Variants in MYO1D observed in about 807,000 individuals in gnomAD.
The protein encoded by MYO1D is myosin ID.
In MYO1D, 83 loss-of-function variants were observed where a neutral mutation model predicts 122.0. That is an observed-to-expected ratio of 0.68 (90% confidence interval 0.57 to 0.82). The LOEUF is 0.82. Among genes scored for constraint, MYO1D ranks in the 40% least tolerant of loss-of-function variants. MYO1D has a pLI of 0.00. For missense variants in MYO1D, 1,157 were observed against 1,269.5 expected (o/e 0.91, Z 1.35); for synonymous variants, 464 against 446.9 (o/e 1.04, Z -0.48).
At position 32,738,236 on chromosome 17, in the gene MYO1D, G is replaced by C; in HGVS notation, c.1746+17C>G. On this transcript the variant is annotated intron_variant, in intron 14 of 21. Coordinates refer to ENST00000318217, the MANE Select transcript of MYO1D (RefSeq NM_015194.3). ...ATCTATGAGTTAAAATGGATATTTA[G>C]AAAAGAAAATAATTACCTTTGATGC... 1 of 1,562,954 alleles carries C rather than the reference G, an allele frequency of 6.4e-7. No individual in the cohort carries two copies. Among genetic ancestry groups the C allele is most frequent in the Non-Finnish European group, 8.7e-7 (1 of 1,151,586 alleles).
chr17:32,606,223 A>G (rs1222891121), intron 20 of MYO1D, among the ~76,000 whole-genome samples: 1 of 152,224 alleles, frequency 6.6e-6, no homozygotes, highest in Non-Finnish European at 1.5e-5. Flanking sequence ...AACATTTTGA[A>G]AAAGAAAATT....
At chr17:32,636,745 G>C (rs770083178) in intron 20 of MYO1D, among the ~76,000 whole-genome samples, 97 of 152,322 alleles carry the variant, frequency 6.4e-4, no homozygotes, top group South Asian at 1.2e-3. Flanking sequence ...ATGAGTGATG[G>C]AGATGGAGTA....
chr17:32,595,804 A>G (rs890856535), intron 21 of MYO1D, among the ~76,000 whole-genome samples: 3 of 152,250 alleles, frequency 2.0e-5, no homozygotes, highest in Non-Finnish European at 2.9e-5. Context: ...TACACAAGTA[A>G]AGATACAGCA....
chr17:32,819,508 G>GC (rs1413431761), intron 1 of MYO1D, among the ~76,000 whole-genome samples: 1 of 152,092 alleles, frequency 6.6e-6, no homozygotes, highest in African/African-American at 2.4e-5. Flanking sequence ...ATCATTCTCT[G>GC]CATCAGGTGC....
intron 19 of MYO1D, among the ~76,000 whole-genome samples, chr17:32,641,032 C>A (rs2150940992): frequency 6.6e-6 from 1 of 151,624 alleles, no homozygotes; most frequent in African/African-American, 2.4e-5. Flanking sequence ...GTGTGCTGCA[C>A]CCATTAACTC....
intron 1 of MYO1D, among the ~76,000 whole-genome samples, chr17:32,840,222 A>G (rs373925874): frequency 1.2e-4 from 18 of 152,332 alleles, no homozygotes; most frequent in African/African-American, 4.3e-4. Flanking sequence ...CACACTGGAG[A>G]GGATCTGGGG....
intron 3 of MYO1D, among the ~76,000 whole-genome samples, chr17:32,776,692 A>G (rs2090175032): frequency 6.6e-6 from 1 of 152,228 alleles, no homozygotes; most frequent in Non-Finnish European, 1.5e-5. Flanking sequence ...GTTATACATC[A>G]TAAATTTAAT....
chr17:32,660,600 C>G (rs2088549661), intron 16 of MYO1D, among the ~76,000 whole-genome samples: 1 of 152,172 alleles, frequency 6.6e-6, no homozygotes, highest in African/African-American at 2.4e-5. Context: ...TCAAGGGACC[C>G]CAATGGGTCA....
At chr17:32,813,697 G>A (rs1415641600) in intron 1 of MYO1D, among the ~76,000 whole-genome samples, 1 of 152,162 alleles carries the variant, frequency 6.6e-6, no homozygotes, top group Non-Finnish European at 1.5e-5. Context: ...ATGATGCAAG[G>A]GCCTTCCAAG....
At chr17:32,506,300 T>C (rs1214296961) in intron 21 of MYO1D, among the ~76,000 whole-genome samples, 2 of 152,134 alleles carry the variant, frequency 1.3e-5, no homozygotes, top group African/African-American at 2.4e-5. Context: ...GTTAAAACAC[T>C]GTTGAACTAA....
chr17:32,678,203 T>C (rs1448375312), intron 16 of MYO1D, among the ~76,000 whole-genome samples: 1 of 152,188 alleles, frequency 6.6e-6, no homozygotes, highest in Non-Finnish European at 1.5e-5. Flanking sequence ...CCCAGCTTAA[T>C]AGCACCTCCT....
At chr17:32,647,894 T>G (rs2088319881) in intron 19 of MYO1D, among the ~76,000 whole-genome samples, 1 of 152,148 alleles carries the variant, frequency 6.6e-6, no homozygotes, top group South Asian at 2.1e-4. Flanking sequence ...TGTAACCAGC[T>G]GCTCTCTATT....
intron 16 of MYO1D, among the ~76,000 whole-genome samples, chr17:32,705,393 G>A (rs1055474631): frequency 6.6e-6 from 1 of 151,968 alleles, no homozygotes; most frequent in African/African-American, 2.4e-5. Flanking sequence ...CTGAGTAGCT[G>A]GGACTACAGG....
At chr17:32,809,728 T>C (rs777147775) in intron 1 of MYO1D, among the ~76,000 whole-genome samples, 6 of 152,314 alleles carry the variant, frequency 3.9e-5, no homozygotes, top group Middle Eastern at 3.4e-3. Context: ...TGTAAGCCAC[T>C]GTGCCCAGCC....
intron 16 of MYO1D, among the ~76,000 whole-genome samples, chr17:32,708,086 CT>C (rs1482394327): frequency 5.9e-5 from 9 of 152,146 alleles, no homozygotes; most frequent in Non-Finnish European, 1.3e-4. Flanking sequence ...CCTGTGAATC[CT>C]TCTAGTGAAT....
chr17:32,727,835 A>G lies in MYO1D; in HGVS notation c.1747-6646T>C, dbSNP rs182616910. On this transcript the variant is annotated intron_variant, in intron 14 of 21. Coordinates refer to ENST00000318217, the MANE Select transcript of MYO1D (RefSeq NM_015194.3). ...ACTTGAAACATAAGGATATAGAAAG[A>G]TTGAAAGTAAAAGGATGAAAAAGAT... is the stretch of plus-strand genomic sequence containing the variant. 2.6e-5 allele frequency among the ~76,000 whole-genome samples: 4 copies of G among 152,340 alleles called. No individual in the cohort carries two copies. In the East Asian group the frequency reaches 7.7e-4, roughly 29 times the overall value.
intron 1 of MYO1D, among the ~76,000 whole-genome samples, chr17:32,808,743 A>G (rs905164059): frequency 6.6e-6 from 1 of 152,166 alleles, no homozygotes; most frequent in African/African-American, 2.4e-5. Context: ...ACCATGTAAT[A>G]ATACAATGAG....
At chr17:32,629,951 T>C (rs1015833099) in intron 20 of MYO1D, among the ~76,000 whole-genome samples, 6 of 152,118 alleles carry the variant, frequency 3.9e-5, no homozygotes, top group Non-Finnish European at 8.8e-5. Context: ...ATTAGGTAAA[T>C]GGACAGTGGA....
chr17:32,734,389 T>C (rs558223335), intron 14 of MYO1D, among the ~76,000 whole-genome samples: 1 of 152,298 alleles, frequency 6.6e-6, no homozygotes, highest in Non-Finnish European at 1.5e-5. Flanking sequence ...ATCAGCTTTA[T>C]TAGAGGTCTT....
Sources: gnomAD v4.1 joint callset for allele counts (sites outside exome capture counted in the v4.1 genomes callset) on GRCh38, gnomAD v4.1.1 for gene constraint, MANE v1.5 for transcripts, NCBI Gene and HGNC (gene_info 2026-07-23, HGNC 2026-07-21) for gene names.